Variants in HOMER1 observed in about 807,000 individuals in gnomAD.
HOMER1 encodes homer protein homolog 1.
A neutral mutation model predicts 48.9 loss-of-function variants in HOMER1; 3 were observed. That is an observed-to-expected ratio of 0.06 (90% CI 0.03 to 0.16). HOMER1 has a LOEUF of 0.16. Among genes scored for constraint, HOMER1 ranks in the 10% least tolerant of loss-of-function variants. The pLI is 1.00. For synonymous variants in HOMER1, 134 were observed against 146.4 expected, an observed-to-expected ratio of 0.92 and a Z score of 0.61; for missense variants, 247 against 411.4, an observed-to-expected ratio of 0.60 and a Z score of 3.46.
chr5:79,503,992 T>C (rs557921024), intron 1 of HOMER1, among the ~76,000 whole-genome samples: 1 of 152,308 alleles, frequency 6.6e-6, no homozygotes, highest in African/African-American at 2.4e-5. Flanking sequence ...TAAACAGCAA[T>C]GTCATCATTA....
intron 1 of HOMER1, among the ~76,000 whole-genome samples, chr5:79,500,952 T>TG (rs750225307): frequency 1.8e-5 from 2 of 108,560 alleles, no homozygotes; most frequent in African/African-American, 9.0e-5. Flanking sequence ...TGTGTGTGTG[T>TG]GAGACAGACA....
At chr5:79,429,503 A>T (rs28516515) in intron 5 of HOMER1, among the ~76,000 whole-genome samples, 19,470 of 152,266 alleles carry the variant, frequency 0.13, 1,676 homozygotes, top group South Asian at 0.23. Flanking sequence ...GTGTATAAAA[A>T]GCAGTCTTTT....
At chr5:79,490,584 C>T (rs1467726814) in intron 1 of HOMER1, among the ~76,000 whole-genome samples, 1 of 152,050 alleles carries the variant, frequency 6.6e-6, no homozygotes, top group East Asian at 1.9e-4. Flanking sequence ...GGCTCCATCA[C>T]AGCCCCTAAA....
chr5:79,506,435 T>C (rs916637842), intron 1 of HOMER1, among the ~76,000 whole-genome samples: 4 of 151,506 alleles, frequency 2.6e-5, no homozygotes, highest in African/African-American at 9.7e-5. Flanking sequence ...GAAAAAGGAG[T>C]ATCAAAAGGT....
chr5:79,467,744 G>C (rs1020124861), intron 1 of HOMER1, among the ~76,000 whole-genome samples: 1 of 152,124 alleles, frequency 6.6e-6, no homozygotes, highest in Non-Finnish European at 1.5e-5. Context: ...TGCAAAATTT[G>C]AATAATCGGC....
intron 8 of HOMER1, among the ~76,000 whole-genome samples, chr5:79,377,837 A>G (rs1748814769): frequency 6.6e-6 from 1 of 152,180 alleles, no homozygotes; most frequent in African/African-American, 2.4e-5. Flanking sequence ...TTGAAATTAC[A>G]GACACTTTTT....
At chr5:79,381,813 A>G (rs1180967011) in intron 8 of HOMER1, among the ~76,000 whole-genome samples, 1 of 152,040 alleles carries the variant, frequency 6.6e-6, no homozygotes, top group Non-Finnish European at 1.5e-5. Context: ...TGAACCTCGG[A>G]GGTGGAGGTT....
chr5:79,467,052 T>C (rs6861446), intron 1 of HOMER1, among the ~76,000 whole-genome samples: 96,364 of 151,926 alleles, frequency 0.63, 33,788 homozygotes, highest in East Asian at 0.99. Flanking sequence ...GGCCTCCCAA[T>C]GTGCTGGGAT....
intron 1 of HOMER1, among the ~76,000 whole-genome samples, chr5:79,478,031 T>C (rs757511089): frequency 5.9e-5 from 9 of 152,176 alleles, no homozygotes; most frequent in Non-Finnish European, 1.0e-4. Flanking sequence ...GACTATCAAT[T>C]GTATTCATAA....
At chr5:79,457,168 A>T in intron 1 of HOMER1, 150 bp from the exon 2 acceptor site, 1 of 710,014 alleles carries the variant, frequency 1.4e-6, no homozygotes, top group Non-Finnish European at 2.4e-6. Context: ...GCATATTCTA[A>T]GTATTCAGTC....
intron 8 of HOMER1, among the ~76,000 whole-genome samples, chr5:79,394,950 T>G (rs997266014): frequency 6.6e-6 from 1 of 152,214 alleles, no homozygotes; most frequent in South Asian, 2.1e-4. Flanking sequence ...AGTGAGACAA[T>G]GTAAATGTGT....
chr5:79,378,371 T>C (rs1748834557), intron 8 of HOMER1, among the ~76,000 whole-genome samples: 1 of 152,096 alleles, frequency 6.6e-6, no homozygotes, highest in African/African-American at 2.4e-5. Context: ...ATCAAGCAGC[T>C]ATAATGATTT....
chr5:79,500,199 A>G (rs545337487), intron 1 of HOMER1, among the ~76,000 whole-genome samples: 4 of 152,324 alleles, frequency 2.6e-5, no homozygotes, highest in South Asian at 2.1e-4. Flanking sequence ...TTTATCTCAT[A>G]TTGAAAATGT....
chr5:79,428,280 T>C (rs1323903102), intron 5 of HOMER1, among the ~76,000 whole-genome samples: 2 of 152,054 alleles, frequency 1.3e-5, no homozygotes, highest in East Asian at 1.9e-4. Flanking sequence ...ACTAGGAATA[T>C]AGGGGAACTT....
intron 8 of HOMER1, among the ~76,000 whole-genome samples, chr5:79,389,894 C>T (rs902368414): frequency 2.6e-5 from 4 of 151,478 alleles, no homozygotes; most frequent in African/African-American, 7.3e-5. Flanking sequence ...AGAAATAATG[C>T]AACCAAAAAA....
In HOMER1 at chr5:79,439,145, G is replaced by C. The variant is rs755667325; in HGVS notation, c.392C>G (p.Ser131Cys). 6.2e-7 allele frequency: 1 copy of C among 1,613,608 alleles called. No individual in the cohort carries two copies. Among genetic ancestry groups the C allele is most frequent in the South Asian group, 1.1e-5 (1 of 90,980 alleles). ...AGGAGACTGAAGATCCCCGCCTGCGGATTCCTTTAAAAAAAGGGGTGGGGG... is the reference window on the plus strand; with the variant it reads ...AGGAGACTGAAGATCCCCGCCTGCGCATTCCTTTAAAAAAAGGGGTGGGGG... ...MELTSTPSQESAGGDLQSPLT... is the reference protein window; with the variant it reads ...MELTSTPSQECAGGDLQSPLT... Residue 131 changes from serine to cysteine, a missense_variant, in exon 5 of 9, where the codon TCC becomes TGC. By Grantham distance (112) the Ser-to-Cys change is moderately radical. Around this residue, in one of 4 missense-constraint regions of HOMER1, gnomAD observed 94 missense variants for 112.4 expected, o/e 0.84. Coordinates refer to ENST00000334082, the MANE Select transcript of HOMER1 (RefSeq NM_004272.5).
intron 1 of HOMER1, among the ~76,000 whole-genome samples, chr5:79,468,293 CAG>C (rs1330874545): frequency 2.0e-5 from 3 of 152,102 alleles, no homozygotes; most frequent in African/African-American, 4.8e-5. Context: ...CTTTTTCCAA[CAG>C]AAATTTTATG....
At chr5:79,457,169 G>A in intron 1 of HOMER1, 151 bp from the exon 2 acceptor site, 4 of 706,010 alleles carry the variant, frequency 5.7e-6, no homozygotes, top group African/African-American at 3.6e-5. Context: ...CATATTCTAA[G>A]TATTCAGTCA....
At chr5:79,391,851 T>C (rs187040587) in intron 8 of HOMER1, among the ~76,000 whole-genome samples, 273 of 151,934 alleles carry the variant, frequency 1.8e-3, no homozygotes, top group African/African-American at 6.5e-3. Flanking sequence ...AAATAAGAAG[T>C]ATAAGACTTC....
Sources: allele counts gnomAD v4.1 joint callset (sites outside exome capture counted in the v4.1 genomes callset), GRCh38; gene constraint gnomAD v4.1.1; regional missense constraint gnomAD v4.1.1; transcripts MANE v1.5; gene names NCBI Gene and HGNC (gene_info 2026-07-23, HGNC 2026-07-21).